The following DOK2 variants were observed in gnomAD, a reference collection of about 807,000 sequenced individuals.
DOK2 encodes the protein docking protein 2, 56kD.
In DOK2, 28 loss-of-function variants were observed where a neutral mutation model predicts 26.0. That is an observed-to-expected ratio of 1.08 (90% CI 0.80 to 1.48). The LOEUF is 1.48. Ranked by LOEUF, DOK2 falls within the 40% of genes most tolerant of loss-of-function variation. The pLI is 0.00. For missense variants in DOK2, 682 were observed against 558.2 expected (o/e 1.22, Z -2.23); for synonymous variants, 282 against 236.9 (o/e 1.19, Z -1.75).
At chr8:21,912,123 C>T (rs1252351305) in intron 2 of DOK2, 106 bp downstream of exon 2, 6 of 1,464,300 alleles carry the variant, frequency 4.1e-6, no homozygotes, top group Non-Finnish European at 4.5e-6. Flanking sequence ...ATGGAGGAAG[C>T]ACCCCATCAC....
At chr8:21,910,945 C>G (rs982169886) in intron 3 of DOK2, 88 bp from the exon 4 acceptor site, 43 of 1,388,488 alleles carry the variant, frequency 3.1e-5, no homozygotes, top group Non-Finnish European at 3.9e-5. Context: ...ATGAGCGTAC[C>G]AGAACTTTTC....
chr8:21,913,025 C>A (rs2117209610), intron 1 of DOK2, among the ~76,000 whole-genome samples: 1 of 152,252 alleles, frequency 6.6e-6, no homozygotes, highest in Middle Eastern at 3.4e-3. Flanking sequence ...GTGTGCCCCC[C>A]AGTGTTGGTT....
In DOK2 at chr8:21,909,379, AAT is replaced by A. The variant is rs1809723854; in HGVS notation, c.1169_1170del (p.Asp390ValfsTer11). On this transcript the variant is annotated frameshift_variant, in exon 5 of 5. Transcript: ENST00000276420. LOFTEE classifies it high-confidence loss of function. ...CCTGGCTGCCAGCCAGAAGCAGAGA[AAT>A]CCTGCCCGGCTGGCTGGACATGCTG... ...GLQHVQPAGQ[D>X]FSASGWQPGT... 1.9e-6 allele frequency: 3 copies of A among 1,589,392 alleles called. No individual in the cohort carries two copies. Among genetic ancestry groups the A allele is most frequent in the Non-Finnish European group, 2.6e-6 (3 of 1,167,252 alleles).
At position 21,912,215 on chromosome 8, in the gene DOK2, C is replaced by T. The variant is rs1232083691; in HGVS notation, c.345+14G>A. ...GCACGCCCCCTTGCCCTTTCCGCAC[C>T]CCGCGCGACTCACGGGGAAGGCCAG... On this transcript the variant is annotated intron_variant, in intron 2 of 4. Coordinates refer to ENST00000276420, the MANE Select transcript of DOK2 (RefSeq NM_003974.4). 1.3e-6 allele frequency: 2 copies of T among 1,543,456 alleles called. No individual in the cohort carries two copies. The highest frequency in any genetic ancestry group is 1.2e-5 in the South Asian group (1 of 83,448).
chr8:21,912,706 G>A, intron 1 of DOK2, 196 bp from the exon 2 acceptor site: 1 of 603,522 alleles, frequency 1.7e-6, no homozygotes, highest in South Asian at 2.2e-5. Flanking sequence ...GAAAATCGGA[G>A]ATCAGCCGCC....
In DOK2 at chr8:21,910,691, C is replaced by A. The variant is rs1809805475; in HGVS notation, c.600G>T (p.Arg200=). ...CACTCACCTTGTCCCGCCCAAAGCGCCGCAGAAACCTGTAGGGCCAGTCGT... is the reference window on the plus strand; with the variant it reads ...CACTCACCTTGTCCCGCCCAAAGCGACGCAGAAACCTGTAGGGCCAGTCGT... ...QLYDWPYRFL[R]RFGRDKVTFS... The change falls in exon 4 of 5, where the codon CGG becomes CGT. Residue 200 remains arginine (R), a synonymous_variant. Transcript: ENST00000276420. 6.2e-7 allele frequency: 1 copy of A among 1,613,976 alleles called. No homozygotes were observed. The highest frequency in any genetic ancestry group is 1.7e-5 in the Admixed American group (1 of 59,994).
At position 21,911,436 on chromosome 8, in the gene DOK2, G is replaced by A. The variant is rs192739995; in HGVS notation, c.433+465C>T. 3.9e-5 allele frequency among the ~76,000 whole-genome samples: 6 copies of A among 152,136 alleles called. No homozygotes were observed. In the South Asian group the frequency reaches 1.2e-3, roughly 32 times the overall value. On this transcript the variant is annotated intron_variant, in intron 3 of 4. Coordinates refer to ENST00000276420, the MANE Select transcript of DOK2 (RefSeq NM_003974.4). ...AGCCTGGCCAACATGGTGAAACCCC[G>A]ACTCTACTAAAAATACAAAAAATTA... is the stretch of plus-strand genomic sequence containing the variant.
chr8:21,912,646 T>G, intron 1 of DOK2, 136 bp from the exon 2 acceptor site: 1 of 820,682 alleles, frequency 1.2e-6, no homozygotes, highest in Non-Finnish European at 1.9e-6. Context: ...GAGGTGAAGA[T>G]CACATGAGAC....
rs780142730 is a variant in DOK2, at chr8:21,909,343, C to T, written c.1207G>A (p.Asp403Asn). Residue 403 changes from aspartate (D) to asparagine (N), a missense_variant, in exon 5 of 5, where the codon GAC becomes AAC. By Grantham distance (23) the Asp-to-Asn change is conservative. Transcript: ENST00000276420. ...GGGCCTTTCTTTAGTACAACATTGT[C>T]ATACTCAGTTCCTGGCTGCCAGCCA... ...ASGWQPGTEY[D>N]NVVLKKGPK 2 of 1,560,816 alleles carry T rather than the reference C, an allele frequency of 1.3e-6. No individual in the cohort carries two copies. Among genetic ancestry groups the T allele is most frequent in the Non-Finnish European group, 1.7e-6 (2 of 1,153,254 alleles).
Position 21,912,463 on chromosome 8 carries a change from G to A in DOK2, c.111C>T (p.Ala37=), listed in dbSNP as rs1365929267. The part of the protein sequence containing the change: ...GASLYGGSDC[A]LARLELQEGP... ...CCTCCTGCAGCTCCAGCCGGGCCAA[G>A]GCGCAGTCCGACCCTCCATACAGTG... The change falls in exon 2 of 5, where the codon GCC becomes GCT. Residue 37 remains alanine (A), a synonymous_variant. Coordinates refer to ENST00000276420, the MANE Select transcript of DOK2 (RefSeq NM_003974.4). 18 of 1,563,212 alleles carry A rather than the reference G, an allele frequency of 1.2e-5. No individual in the cohort carries two copies. Among genetic ancestry groups the A allele is most frequent in the Non-Finnish European group, 1.4e-5 (16 of 1,156,338 alleles).
At chr8:21,913,306 A>C (rs1809928695) in intron 1 of DOK2, among the ~76,000 whole-genome samples, 1 of 152,046 alleles carries the variant, frequency 6.6e-6, no homozygotes, top group African/African-American at 2.4e-5. Context: ...CCCCACCCCC[A>C]CCCAGGGCAA....
At chr8:21,913,348 C>G (rs190173690) in intron 1 of DOK2, among the ~76,000 whole-genome samples, 191 bp downstream of exon 1, 146 of 152,348 alleles carry the variant, frequency 9.6e-4, no homozygotes, top group African/African-American at 3.4e-3. Context: ...AGTTTGGGAC[C>G]TGGTTGGGGC....
rs2117199746 is a variant in DOK2, at chr8:21,909,254, C to A, written c.*57G>T. On this transcript the variant is annotated 3_prime_UTR_variant, in exon 5 of 5. Transcript: ENST00000276420. The stretch of plus-strand genomic sequence containing the variant: ...GAGGAGGTTCTTCTGATGCAGTGGC[C>A]AGGAGGAGTCACCAGCAGAAGCCAA... 6.6e-7 allele frequency: 1 copy of A among 1,510,796 alleles called. No individual in the cohort carries two copies. Among genetic ancestry groups the A allele is most frequent in the East Asian group, 2.3e-5 (1 of 43,880 alleles). 93.6% of individuals were successfully genotyped at this position (1,510,796 alleles called of 1,614,324 possible).
In DOK2 at chr8:21,909,336, A is replaced by G. The variant is rs1216077725; in HGVS notation, c.1214T>C (p.Val405Ala). The change falls in exon 5 of 5, where the codon GTT becomes GCT. Residue 405 changes from valine (V) to alanine (A), a missense_variant. Physicochemically the swap from Val to Ala is moderately conservative, Grantham distance 64 (BLOSUM62 0). Coordinates refer to ENST00000276420, the MANE Select transcript of DOK2 (RefSeq NM_003974.4). ...TCACTTTGGGCCTTTCTTTAGTACA[A>G]CATTGTCATACTCAGTTCCTGGCTG... The part of the protein sequence containing the change: ...GWQPGTEYDN[V>A]VLKKGPK 5.8e-6 allele frequency: 9 copies of G among 1,548,310 alleles called. No individual in the cohort carries two copies. In the East Asian group the frequency reaches 6.8e-5, roughly 12 times the overall value.
intron 3 of DOK2, chr8:21,911,143 G>A: frequency 2.3e-6 from 1 of 432,980 alleles, no homozygotes; most frequent in Non-Finnish European, 4.1e-6. Flanking sequence ...CAGAGCCACA[G>A]TCTTGTCTTC....
Position 21,908,933 on chromosome 8 carries a change from C to A in DOK2, c.*378G>T. The A allele has an allele frequency of 5.6e-6, 1 of 178,122 alleles. No homozygotes were observed. Among genetic ancestry groups the A allele is most frequent in the Admixed American group, 6.0e-5 (1 of 16,756 alleles). The allele number at this position is 178,122 out of a possible 1,614,324, so 11.0% of individuals were successfully genotyped here. ...GAAAGGTGCAGGAAGCTGCCGCCATCCCCCTGGGTGCCTGGGCCCAGGCTG... is the reference window on the plus strand; with the variant it reads ...GAAAGGTGCAGGAAGCTGCCGCCATACCCCTGGGTGCCTGGGCCCAGGCTG... On this transcript the variant is annotated 3_prime_UTR_variant, in exon 5 of 5. Coordinates refer to ENST00000276420, the MANE Select transcript of DOK2 (RefSeq NM_003974.4).
rs1347877831 is a variant in DOK2 at position 21,911,881 on chromosome 8, G to C, written c.433+20C>G. ...GGGGAGAGCCCCCAGGGGAGAGCAG[G>C]GCAGCCCCCGCCCCCTCACCTGTGA... On this transcript the variant is annotated intron_variant, in intron 3 of 4. Coordinates refer to ENST00000276420, the MANE Select transcript of DOK2 (RefSeq NM_003974.4). The C allele has an allele frequency of 4.5e-6, 7 of 1,550,520 alleles. No individual in the cohort carries two copies. Among genetic ancestry groups the C allele is most frequent in the Non-Finnish European group, 5.2e-6 (6 of 1,147,620 alleles).
At chr8:21,910,647 C>T (rs1452719889) in intron 4 of DOK2, 26 bp downstream of exon 4, 1 of 1,612,880 alleles carries the variant, frequency 6.2e-7, no homozygotes, top group African/African-American at 1.3e-5. Context: ...TTCTCTCAAC[C>T]TGCCCTGATG....
In DOK2 at chr8:21,912,303, G is replaced by T. The variant is rs546091332; in HGVS notation, c.271C>A (p.Arg91Ser). ...GCAGGGGCCGCCAGGAGGTACAGGC[G>T]CTCCTTGGTCTCCAGGAAGAAGGCA... ...TSAFFLETKE[R>S]LYLLAAPAAE... The change falls in exon 2 of 5, where the codon CGC becomes AGC. Residue 91 changes from arginine (R) to serine (S), a missense_variant. By Grantham distance (110) the Arg-to-Ser change is moderately radical. Transcript: ENST00000276420. The T allele has an allele frequency of 1.9e-6, 3 of 1,601,118 alleles. No individual in the cohort carries two copies. Among genetic ancestry groups the T allele is most frequent in the Non-Finnish European group, 1.7e-6 (2 of 1,175,744 alleles).
Sources: allele counts gnomAD v4.1 joint callset (sites outside exome capture counted in the v4.1 genomes callset), GRCh38; gene constraint gnomAD v4.1.1; transcripts MANE v1.5; gene names NCBI Gene and HGNC (gene_info 2026-07-23, HGNC 2026-07-21).